The following DLG2 variants were observed in gnomAD, a reference collection of about 807,000 sequenced individuals.
DLG2 encodes the protein disks large homolog 2.
DLG2 carries 45 observed loss-of-function variants against 132.5 expected under a neutral mutation model. That is an observed-to-expected ratio of 0.34 (90% confidence interval 0.27 to 0.44). The LOEUF (loss-of-function observed/expected upper bound fraction) is 0.44, where lower values mean the gene tolerates loss of function less well. Among genes scored for constraint, DLG2 ranks in the 20% least tolerant of loss-of-function variants. The pLI is 1.00. For missense variants in DLG2, 1,045 were observed against 1,196.9 expected (o/e 0.87, Z 1.87); for synonymous variants, 424 against 419.6 (o/e 1.01, Z -0.13).
At chr11:84,956,788 T>A (rs2051743083) in intron 6 of DLG2, among the ~76,000 whole-genome samples, 1 of 152,202 alleles carries the variant, frequency 6.6e-6, no homozygotes, top group South Asian at 2.1e-4. Context: ...TGACTCACCC[T>A]AGGTCACAGA....
At chr11:84,109,566 A>G (rs886921860) in intron 9 of DLG2, among the ~76,000 whole-genome samples, 1 of 152,224 alleles carries the variant, frequency 6.6e-6, no homozygotes, top group African/African-American at 2.4e-5. Flanking sequence ...CAACTACAAA[A>G]TTTCTAAGTA....
chr11:85,456,752 T>C (rs534634081), intron 3 of DLG2, among the ~76,000 whole-genome samples: 1 of 152,318 alleles, frequency 6.6e-6, no homozygotes, highest in South Asian at 2.1e-4. Flanking sequence ...GTAGGTTGTT[T>C]CATTTCCATG....
At chr11:84,192,165 A>G (rs1032237998) in intron 8 of DLG2, among the ~76,000 whole-genome samples, 5 of 152,200 alleles carry the variant, frequency 3.3e-5, no homozygotes, top group African/African-American at 1.2e-4. Flanking sequence ...CTCCACCCCA[A>G]GGTAAAAAAT....
At chr11:84,726,862 G>T (rs779367194) in intron 6 of DLG2, among the ~76,000 whole-genome samples, 1 of 152,164 alleles carries the variant, frequency 6.6e-6, no homozygotes, top group Non-Finnish European at 1.5e-5. Context: ...CAGTGATAAT[G>T]AGCATTTTTC....
intron 6 of DLG2, among the ~76,000 whole-genome samples, chr11:84,597,994 A>G (rs1312123558): frequency 6.6e-6 from 1 of 152,228 alleles, no homozygotes; most frequent in Middle Eastern, 3.2e-3. Context: ...TCATATTATT[A>G]AAACTCCAAT....
chr11:85,314,788 A>G (rs1025426562), intron 3 of DLG2, among the ~76,000 whole-genome samples: 3 of 152,016 alleles, frequency 2.0e-5, no homozygotes, highest in African/African-American at 7.2e-5. Flanking sequence ...GCTTTCAAGG[A>G]GAAACTATAC....
At chr11:85,134,864 A>T (rs1458041352) in intron 5 of DLG2, among the ~76,000 whole-genome samples, 1 of 152,206 alleles carries the variant, frequency 6.6e-6, no homozygotes, top group African/African-American at 2.4e-5. Context: ...GTTAAAAAAT[A>T]TAATTTCTTC....
chr11:83,893,482 C>T (rs950937292), intron 15 of DLG2, among the ~76,000 whole-genome samples: 1 of 152,190 alleles, frequency 6.6e-6, no homozygotes, highest in African/African-American at 2.4e-5. Context: ...CATCTGCATT[C>T]ATTGATTGCT....
chr11:85,051,091 T>C, intron 6 of DLG2, among the ~76,000 whole-genome samples: 1 of 152,084 alleles, frequency 6.6e-6, no homozygotes, highest in Non-Finnish European at 1.5e-5. Context: ...CAGGGTAAAA[T>C]GCATTAAGTT....
chr11:84,480,223 C>T (rs1316740920), intron 7 of DLG2, among the ~76,000 whole-genome samples: 1 of 151,972 alleles, frequency 6.6e-6, no homozygotes, highest in Non-Finnish European at 1.5e-5. Flanking sequence ...TAAGTTGTTT[C>T]CTTTACCCAT....
chr11:84,571,751 T>G (rs1351403316), intron 6 of DLG2, among the ~76,000 whole-genome samples: 2 of 152,140 alleles, frequency 1.3e-5, no homozygotes, highest in Non-Finnish European at 2.9e-5. Context: ...GGTGTGGATA[T>G]GAGATGGATG....
chr11:84,212,195 C>T (rs562419916), intron 8 of DLG2, among the ~76,000 whole-genome samples: 3 of 152,108 alleles, frequency 2.0e-5, no homozygotes, highest in Admixed American at 1.3e-4. Context: ...GGGTTATTAC[C>T]TGCAGAGCTC....
chr11:85,001,423 G>A (rs951099284), intron 6 of DLG2, among the ~76,000 whole-genome samples: 3 of 152,174 alleles, frequency 2.0e-5, no homozygotes, highest in African/African-American at 4.8e-5. Context: ...TGATGAGAAT[G>A]AGGTAAGCAA....
intron 3 of DLG2, among the ~76,000 whole-genome samples, chr11:85,422,409 T>C (rs1322007259): frequency 6.6e-6 from 1 of 152,136 alleles, no homozygotes; most frequent in Non-Finnish European, 1.5e-5. Context: ...CTTTGTTGGG[T>C]TGGGTTAATT....
chr11:84,982,110 G>T (rs948157686), intron 6 of DLG2, among the ~76,000 whole-genome samples: 4 of 151,824 alleles, frequency 2.6e-5, no homozygotes, highest in South Asian at 2.1e-4. Context: ...TACTTTGTAG[G>T]CTCTTCCGCC....
intron 6 of DLG2, chr11:84,936,598 G>T (rs1281875954): frequency 6.6e-6 from 1 of 151,912 alleles, no homozygotes; most frequent in African/African-American, 2.4e-5. Flanking sequence ...GTATACACAT[G>T]TACAATAAAA....
chr11:85,203,009 ATAT>A (rs1565152237), intron 4 of DLG2, among the ~76,000 whole-genome samples: 1 of 150,506 alleles, frequency 6.6e-6, no homozygotes, highest in African/African-American at 2.4e-5. Flanking sequence ...AACCCAACTT[ATAT>A]TATTAAATAA....
At chr11:83,958,957 T>C (rs7105937) in intron 14 of DLG2, among the ~76,000 whole-genome samples, 16,898 of 152,128 alleles carry the variant, frequency 0.11, 1,072 homozygotes, top group African/African-American at 0.14. Context: ...TTAGACTCTA[T>C]ATTTACTTAT....
At chr11:84,413,017 A>G (rs1266443370) in intron 7 of DLG2, among the ~76,000 whole-genome samples, 1 of 152,212 alleles carries the variant, frequency 6.6e-6, no homozygotes, top group African/African-American at 2.4e-5. Flanking sequence ...CTTCTGGTAC[A>G]GACAATTTGA....
Sources: gnomAD v4.1 joint callset for allele counts (sites outside exome capture counted in the v4.1 genomes callset) on GRCh38, gnomAD v4.1.1 for gene constraint, MANE v1.5 for transcripts, NCBI Gene and HGNC (gene_info 2026-07-23, HGNC 2026-07-21) for gene names.